Variants in ALK observed in about 807,000 individuals in gnomAD.
ALK encodes ALK tyrosine kinase receptor.
Under a neutral mutation model 163.1 loss-of-function variants are expected in ALK, and 74 were observed. The ratio of observed to expected loss-of-function variants is 0.45; its 90% CI spans 0.38 to 0.55. The LOEUF (loss-of-function observed/expected upper bound fraction) is 0.55, where lower values mean the gene tolerates loss of function less well. Among genes scored for constraint, ALK ranks in the 20% least tolerant of loss-of-function variants. The probability of loss-of-function intolerance (pLI) is 0.00; values close to 1 mark genes in which losing one functional copy is unlikely to be tolerated. For synonymous variants in ALK, 960 were observed against 843.2 expected (o/e 1.14, Z -2.40); for missense variants, 2,063 against 2,105.3 (o/e 0.98, Z 0.39).
intron 1 of ALK, among the ~76,000 whole-genome samples, chr2:29,871,148 C>T (rs939433762): frequency 2.0e-5 from 3 of 152,106 alleles, no homozygotes; most frequent in East Asian, 1.9e-4. Flanking sequence ...AGATGCCAAG[C>T]GTTAAGGGTT....
intron 4 of ALK, among the ~76,000 whole-genome samples, chr2:29,476,472 A>G (rs1425366630): frequency 6.6e-6 from 1 of 152,190 alleles, no homozygotes; most frequent in African/African-American, 2.4e-5. Flanking sequence ...TAAAAAACAC[A>G]CAGAATCCCA....
intron 1 of ALK, among the ~76,000 whole-genome samples, chr2:29,914,907 G>A (rs1388252230): frequency 6.6e-6 from 1 of 152,164 alleles, no homozygotes; most frequent in East Asian, 1.9e-4. Context: ...ACCATTTTGT[G>A]CTATATGACC....
intron 1 of ALK, among the ~76,000 whole-genome samples, chr2:29,894,873 CA>C (rs1667230367): frequency 1.3e-5 from 2 of 149,640 alleles, no homozygotes; most frequent in African/African-American, 4.9e-5. Context: ...CACACACACA[CA>C]CACCCCGACA....
At chr2:29,809,505 T>A (rs1248308374) in intron 1 of ALK, among the ~76,000 whole-genome samples, 1 of 152,236 alleles carries the variant, frequency 6.6e-6, no homozygotes, top group Non-Finnish European at 1.5e-5. Flanking sequence ...ACTCCCTTCA[T>A]ATTCATTCTA....
chr2:29,882,626 G>A (rs1041263783), intron 1 of ALK, among the ~76,000 whole-genome samples: 5 of 152,232 alleles, frequency 3.3e-5, no homozygotes, highest in African/African-American at 4.8e-5. Flanking sequence ...CCTGGGAGGC[G>A]GAGGTTGCAG....
chr2:29,232,700 A>G (rs1664250450), intron 14 of ALK, among the ~76,000 whole-genome samples: 1 of 152,190 alleles, frequency 6.6e-6, no homozygotes, highest in Non-Finnish European at 1.5e-5. Flanking sequence ...TATAGATACC[A>G]GGAGGTGGGG....
intron 4 of ALK, among the ~76,000 whole-genome samples, chr2:29,505,814 A>AC (rs1019026458): frequency 6.6e-6 from 1 of 151,814 alleles, no homozygotes; most frequent in Non-Finnish European, 1.5e-5. Flanking sequence ...TTGAAAAAAA[A>AC]AAAAAAAGTC....
At position 29,570,277 on chromosome 2, in the gene ALK, G is replaced by A. The variant is rs545474292; in HGVS notation, c.953-38161C>T. Among the ~76,000 whole-genome samples the A allele has an allele frequency of 5.3e-5, 8 of 152,318 alleles. No individual in the cohort carries two copies. In the South Asian group the frequency reaches 1.7e-3, roughly 32 times the overall value. On this transcript the variant is annotated intron_variant, in intron 3 of 28. Transcript: ENST00000389048. ...AGAAATAGGAGCGATCAATGCTCCG[G>A]ATGTCACAAAGACACTGGACTTGGA...
intron 1 of ALK, among the ~76,000 whole-genome samples, chr2:29,860,038 C>T (rs902634931): frequency 3.3e-5 from 5 of 151,970 alleles, no homozygotes; most frequent in African/African-American, 4.8e-5. Flanking sequence ...AGCAGTGGCC[C>T]ATGAGAGGGA....
chr2:29,783,988 T>C (rs989937487), intron 1 of ALK, among the ~76,000 whole-genome samples: 1 of 152,178 alleles, frequency 6.6e-6, no homozygotes, highest in African/African-American at 2.4e-5. Context: ...CAAGGGCTAC[T>C]TCAGCTTTGA....
At chr2:29,693,942 C>T (rs555652308) in intron 3 of ALK, among the ~76,000 whole-genome samples, 89 of 152,300 alleles carry the variant, frequency 5.8e-4, no homozygotes, top group African/African-American at 2.0e-3. Flanking sequence ...AATGAGACAG[C>T]GTAGGTGGGA....
chr2:29,528,520 T>C (rs550202499), intron 4 of ALK, among the ~76,000 whole-genome samples: 14 of 152,304 alleles, frequency 9.2e-5, no homozygotes, highest in African/African-American at 3.4e-4. Context: ...CATAAGCATG[T>C]GCTGTTGCTA....
intron 1 of ALK, among the ~76,000 whole-genome samples, chr2:29,762,007 A>G (rs1284963204): frequency 2.0e-5 from 3 of 152,248 alleles, no homozygotes; most frequent in Non-Finnish European, 2.9e-5. Context: ...AACTATAAAT[A>G]TAGAGTAGGG....
Position 29,220,784 on chromosome 2 carries a change from G to A in ALK, c.3567C>T (p.Ser1189=). 1 of 1,614,092 alleles carries A rather than the reference G, an allele frequency of 6.2e-7. No individual in the cohort carries two copies. Among genetic ancestry groups the A allele is most frequent in the Non-Finnish European group, 8.5e-7 (1 of 1,179,980 alleles). ...GCTCCAGCAGGATGAACCGGGGCAG[G>A]GATTGCAGGCTCACCCCAATGCAGC... ...IVRCIGVSLQ[S]LPRFILLELM... The change falls in exon 23 of 29, where the codon TCC becomes TCT. Residue 1189 remains serine (S), a synonymous_variant. Coordinates refer to ENST00000389048, the MANE Select transcript of ALK (RefSeq NM_004304.5).
intron 5 of ALK, among the ~76,000 whole-genome samples, chr2:29,368,229 A>G (rs114696609): frequency 0.017 from 2,584 of 152,286 alleles, 65 homozygotes; most frequent in African/African-American, 0.059. Context: ...GCTGCTCCTC[A>G]TATCATATGG....
At chr2:29,563,534 G>A (rs1359570429) in intron 3 of ALK, among the ~76,000 whole-genome samples, 1 of 152,198 alleles carries the variant, frequency 6.6e-6, no homozygotes, top group East Asian at 1.9e-4. Context: ...ACATGGCAGA[G>A]GCTGAAAGAG....
At chr2:29,620,517 G>A (rs1476801324) in intron 3 of ALK, among the ~76,000 whole-genome samples, 2 of 150,474 alleles carry the variant, frequency 1.3e-5, no homozygotes, top group African/African-American at 2.4e-5. Context: ...GGTGGTGGGT[G>A]GGCACAATTT....
intron 3 of ALK, among the ~76,000 whole-genome samples, chr2:29,654,947 C>T (rs550802422): frequency 1.3e-5 from 2 of 152,096 alleles, no homozygotes; most frequent in African/African-American, 2.4e-5. Context: ...AGATGACGAA[C>T]TGGCTGCTTC....
Position 29,193,425 on chromosome 2 carries a change from T to A in ALK, c.4662A>T (p.Ser1554=), listed in dbSNP as rs1417400257. The change falls in exon 29 of 29, where the codon TCA becomes TCT. Residue 1554 remains serine (S), a synonymous_variant. Transcript: ENST00000389048. ...NVATGRLPGA[S]LLLEPSSLTA... ...TCAGCGAAGAGGGCTCTAGGAGCAG[T>A]GAGGCCCCCGGAAGTCTCCCAGTTG... The A allele has an allele frequency of 8.7e-6, 14 of 1,614,062 alleles. No individual in the cohort carries two copies. The highest frequency in any genetic ancestry group is 1.3e-5 in the African/African-American group (1 of 74,924).
Sources: gnomAD v4.1 joint callset for allele counts (sites outside exome capture counted in the v4.1 genomes callset) on GRCh38, gnomAD v4.1.1 for gene constraint, MANE v1.5 for transcripts, NCBI Gene and HGNC (gene_info 2026-07-23, HGNC 2026-07-21) for gene names.